Variants in SULF2 observed in about 807,000 individuals in gnomAD.
The protein encoded by SULF2 is sulfatase 2.
A neutral mutation model predicts 107.7 loss-of-function variants in SULF2; 52 were observed. That is an observed-to-expected ratio of 0.48 (90% CI 0.39 to 0.61). SULF2 has a LOEUF of 0.61. SULF2 is among the 20% of genes least tolerant of loss of function. SULF2 has a pLI of 0.00. For missense variants in SULF2, 993 were observed against 1,177.3 expected, an observed-to-expected ratio of 0.84 and a Z score of 2.29; for synonymous variants, 460 against 464.3, an observed-to-expected ratio of 0.99 and a Z score of 0.12.
At chr20:47,746,851 G>T (rs988610096) in intron 2 of SULF2, among the ~76,000 whole-genome samples, 6 of 151,784 alleles carry the variant, frequency 4.0e-5, no homozygotes, top group African/African-American at 1.5e-4. Flanking sequence ...GGGGGGAGAG[G>T]GGAGGGATAG....
intron 2 of SULF2, 69 bp from the exon 3 acceptor site, chr20:47,737,011 C>CA (rs1307768671): frequency 5.0e-6 from 8 of 1,598,370 alleles, no homozygotes; most frequent in Non-Finnish European, 6.8e-6. Flanking sequence ...AGGGGGCTCT[C>CA]AGCACGTGGC....
chr20:47,702,675 G>A lies in SULF2; in HGVS notation c.416-5C>T, dbSNP rs780660946. On this transcript the variant is annotated splice_polypyrimidine_tract_variant and splice_region_variant and intron_variant, in intron 3 of 20. Transcript: ENST00000688720. ...TAAGATACTTCCCGAAGAAAGCTGC[G>A]GAGGGAGATGGATCAGGAGGCCACG... is the stretch of plus-strand genomic sequence containing the variant. The A allele has an allele frequency of 2.1e-5, 34 of 1,613,330 alleles. No homozygotes were observed. The highest frequency in any genetic ancestry group is 4.5e-5 in the East Asian group (2 of 44,892).
At chr20:47,676,815 C>A in intron 9 of SULF2, 192 bp from the exon 10 acceptor site, 1 of 695,146 alleles carries the variant, frequency 1.4e-6, no homozygotes, top group Non-Finnish European at 2.4e-6. Context: ...AGAAACTTCC[C>A]AAATTGCATG....
At chr20:47,674,840 G>A (rs558874609) in intron 10 of SULF2, among the ~76,000 whole-genome samples, 2 of 152,134 alleles carry the variant, frequency 1.3e-5, no homozygotes, top group Non-Finnish European at 2.9e-5. Context: ...CATGGCAACG[G>A]CACTCGGGGA....
At position 47,736,920 on chromosome 20, in the gene SULF2, C is replaced by T; in HGVS notation, c.198G>A (p.Lys66=). The T allele has an allele frequency of 6.2e-7, 1 of 1,614,208 alleles. No individual in the cohort carries two copies. Among genetic ancestry groups the T allele is most frequent in the Non-Finnish European group, 8.5e-7 (1 of 1,180,030 alleles). Residue 66 remains lysine, a synonymous_variant, in exon 3 of 21, where the codon AAG becomes AAA. Transcript: ENST00000688720. The stretch of plus-strand genomic sequence containing the variant: ...CGCCCTGCTCCATGATGCGCCGGGT[C>T]TTGTTCATCACCTGCATGGAACCTG... The part of the protein sequence containing the change: ...VELGSMQVMN[K]TRRIMEQGGA...
intron 12 of SULF2, 46 bp from the exon 13 acceptor site, chr20:47,665,999 G>C: frequency 6.2e-7 from 1 of 1,604,212 alleles, no homozygotes. Flanking sequence ...TGGTGGAGGG[G>C]GAGCAGCCCA....
intron 3 of SULF2, among the ~76,000 whole-genome samples, chr20:47,729,607 A>T (rs1055817640): frequency 8.5e-5 from 13 of 152,160 alleles, no homozygotes; most frequent in African/African-American, 3.1e-4. Flanking sequence ...AAAATCAAGA[A>T]TGGTGCTAAG....
chr20:47,693,809 C>T (rs1206852035), intron 4 of SULF2, among the ~76,000 whole-genome samples: 6 of 152,300 alleles, frequency 3.9e-5, no homozygotes. Flanking sequence ...GTCAGGGGCT[C>T]CCACAGTCTA....
intron 1 of SULF2, among the ~76,000 whole-genome samples, chr20:47,769,339 C>A (rs558119591): frequency 1.3e-5 from 2 of 151,770 alleles, no homozygotes; most frequent in South Asian, 4.2e-4. Flanking sequence ...CGCGCCCGGC[C>A]ACACCTGCCT....
At chr20:47,723,871 G>A (rs566598215) in intron 3 of SULF2, among the ~76,000 whole-genome samples, 2 of 152,270 alleles carry the variant, frequency 1.3e-5, no homozygotes, top group Non-Finnish European at 2.9e-5. Flanking sequence ...AATGAAATGC[G>A]CTTGAATCAT....
intron 4 of SULF2, among the ~76,000 whole-genome samples, chr20:47,700,715 G>A (rs1298788784): frequency 1.4e-5 from 2 of 145,790 alleles, no homozygotes; most frequent in African/African-American, 5.1e-5. Flanking sequence ...ATGTGATCTC[G>A]GCTCACTGCA....
chr20:47,741,701 G>A (rs906924333), intron 2 of SULF2, among the ~76,000 whole-genome samples: 2 of 152,128 alleles, frequency 1.3e-5, no homozygotes, highest in African/African-American at 2.4e-5. Flanking sequence ...AAACACGAAG[G>A]AGAAAGGACG....
At chr20:47,689,394 G>C (rs117120045) in intron 5 of SULF2, among the ~76,000 whole-genome samples, 1,695 of 152,252 alleles carry the variant, frequency 0.011, 13 homozygotes, top group Non-Finnish European at 0.019. Context: ...ATTTGCTCTG[G>C]GTGAGGCCAG....
intron 3 of SULF2, among the ~76,000 whole-genome samples, chr20:47,717,435 G>A (rs938561318): frequency 6.6e-6 from 1 of 152,138 alleles, no homozygotes; most frequent in Non-Finnish European, 1.5e-5. Flanking sequence ...GGACTCCAGC[G>A]ACCACAGACT....
chr20:47,782,525 A>G (rs2090850690), intron 1 of SULF2, among the ~76,000 whole-genome samples: 1 of 152,108 alleles, frequency 6.6e-6, no homozygotes, highest in African/African-American at 2.4e-5. Context: ...ACATCCGCCC[A>G]GGCCTGACAC....
intron 2 of SULF2, among the ~76,000 whole-genome samples, chr20:47,748,095 A>G (rs1408620830): frequency 6.6e-6 from 1 of 152,044 alleles, no homozygotes; most frequent in African/African-American, 2.4e-5. Context: ...CATTCTGGGG[A>G]CCTTCCATCG....
chr20:47,731,187 CTTTTTT>C (rs71183273), intron 3 of SULF2, among the ~76,000 whole-genome samples: 4 of 81,180 alleles, frequency 4.9e-5, no homozygotes, highest in African/African-American at 6.2e-5. Context: ...TGTATCTTCT[CTTTTTT>C]TTTTTTTTTT....
chr20:47,775,611 G>A (rs1204427281), intron 1 of SULF2, among the ~76,000 whole-genome samples: 6 of 152,274 alleles, frequency 3.9e-5, no homozygotes, highest in South Asian at 2.1e-4. Context: ...CAGCCTCTTC[G>A]GCTAATGAAC....
At chr20:47,659,669 T>C (rs1033344608) in intron 19 of SULF2, 28 bp downstream of exon 19, 1 of 1,598,668 alleles carries the variant, frequency 6.3e-7, no homozygotes. Context: ...GAGAACTTTG[T>C]TTAGGCTTTA....
Sources: allele counts gnomAD v4.1 joint callset (sites outside exome capture counted in the v4.1 genomes callset), GRCh38; gene constraint gnomAD v4.1.1; transcripts MANE v1.5; gene names NCBI Gene and HGNC (gene_info 2026-07-23, HGNC 2026-07-21).